MAP7: variants seen among roughly 807,000 people sequenced by gnomAD.
MAP7 encodes the protein microtubule associated protein 7, also known as ensconsin.
In MAP7, 52 loss-of-function variants were observed where a neutral mutation model predicts 94.8. That is an observed-to-expected ratio of 0.55 (90% CI 0.44 to 0.69). MAP7 has a LOEUF of 0.69. Ranked by LOEUF, MAP7 falls within the 30% of genes least tolerant of loss-of-function variation. The probability of loss-of-function intolerance (pLI) is 0.00; values close to 1 mark genes in which losing one functional copy is unlikely to be tolerated. For synonymous variants in MAP7, 350 were observed against 357.0 expected, an observed-to-expected ratio of 0.98 and a Z score of 0.22; for missense variants, 940 against 964.6, an observed-to-expected ratio of 0.97 and a Z score of 0.34.
rs181210066 is a variant in MAP7 at position 136,380,755 on chromosome 6, T to C, written c.638-2887A>G. On this transcript the variant is annotated intron_variant, in intron 6 of 17. Coordinates refer to ENST00000354570, the MANE Select transcript of MAP7 (RefSeq NM_003980.6). ...TAACCAAAGTAATCTTATCAGTCCA[T>C]GTAACACCATATTCAGGTGTAATAA... Among the ~76,000 whole-genome samples, 3 of 152,358 alleles carry C rather than the reference T, an allele frequency of 2.0e-5. No individual in the cohort carries two copies. In the East Asian group the frequency reaches 5.8e-4, roughly 29 times the overall value.
chr6:136,468,212 T>A (rs1807769754), intron 1 of MAP7, among the ~76,000 whole-genome samples: 1 of 152,182 alleles, frequency 6.6e-6, no homozygotes, highest in South Asian at 2.1e-4. Flanking sequence ...CTTTTTATCC[T>A]TCTTATGGTA....
chr6:136,549,393 C>A (rs915755913), intron 1 of MAP7, among the ~76,000 whole-genome samples: 11 of 152,024 alleles, frequency 7.2e-5, no homozygotes, highest in African/African-American at 2.2e-4. Flanking sequence ...GAAGAGGGAA[C>A]CAGTGGAGAG....
chr6:136,389,405 C>A lies in MAP7; in HGVS notation c.357G>T (p.Arg119=), dbSNP rs769452594. 1.7e-5 allele frequency: 27 copies of A among 1,589,678 alleles called. No individual in the cohort carries two copies. The highest frequency in any genetic ancestry group is 2.3e-5 in the Non-Finnish European group (27 of 1,171,014). ...RLEEQRQKEE[R]RRAAVEEKRR... Reference sequence around the variant, plus strand: ...GCTTCTCCTCCACAGCAGCCCTCCTCCGCTCCTCCTTCTGCCTCTGCTCCT... The same window carrying A: ...GCTTCTCCTCCACAGCAGCCCTCCTACGCTCCTCCTTCTGCCTCTGCTCCT... The change falls in exon 4 of 18, where the codon CGG becomes CGT. Residue 119 remains arginine (R), a synonymous_variant. Transcript: ENST00000354570.
Position 136,355,169 on chromosome 6 carries a change from G to C in MAP7, c.2015+1523C>G, listed in dbSNP as rs1790521693. Among the ~76,000 whole-genome samples the C allele has an allele frequency of 3.3e-5, 5 of 151,758 alleles. No individual in the cohort carries two copies. In the South Asian group the frequency reaches 1.0e-3, roughly 31 times the overall value. On this transcript the variant is annotated intron_variant, in intron 16 of 17. Transcript: ENST00000354570. ...AGCTTGGGCAACAGAGTGAGAGTCT[G>C]TCTCAAAAAAAATAATAATAAAAGA...
At chr6:136,399,340 T>G (rs751331304) in intron 3 of MAP7, among the ~76,000 whole-genome samples, 1 of 152,164 alleles carries the variant, frequency 6.6e-6, no homozygotes, top group Non-Finnish European at 1.5e-5. Context: ...ACAATTAGAT[T>G]CCTTTTCTTT....
intron 1 of MAP7, among the ~76,000 whole-genome samples, chr6:136,504,502 C>T (rs907119666): frequency 6.6e-6 from 1 of 151,904 alleles, no homozygotes; most frequent in South Asian, 2.1e-4. Context: ...GTGGGTGCCA[C>T]CACAGCAAAT....
At chr6:136,394,970 A>ATATATATATATC (rs1582782641) in intron 3 of MAP7, among the ~76,000 whole-genome samples, 2 of 131,228 alleles carry the variant, frequency 1.5e-5, no homozygotes, top group African/African-American at 2.9e-5. Context: ...ATATATATAT[A>ATATATATATATC]TCACATTTTC....
At chr6:136,539,180 T>C (rs898614928) in intron 1 of MAP7, among the ~76,000 whole-genome samples, 1 of 152,216 alleles carries the variant, frequency 6.6e-6, no homozygotes, top group Admixed American at 6.5e-5. Flanking sequence ...GCCTATGCTG[T>C]GTCAAGCACT....
chr6:136,448,836 C>T (rs1800141889), intron 1 of MAP7, among the ~76,000 whole-genome samples: 2 of 151,870 alleles, frequency 1.3e-5, no homozygotes, highest in Non-Finnish European at 2.9e-5. Context: ...TATCAGTTGC[C>T]AAGAAAGGGG....
At chr6:136,380,261 C>T (rs1777389162) in intron 6 of MAP7, among the ~76,000 whole-genome samples, 1 of 152,208 alleles carries the variant, frequency 6.6e-6, no homozygotes, top group African/African-American at 2.4e-5. Context: ...GGATACCTGC[C>T]TTACCACTTC....
intron 2 of MAP7, among the ~76,000 whole-genome samples, chr6:136,421,013 G>A (rs1005075800): frequency 6.6e-6 from 1 of 152,064 alleles, no homozygotes; most frequent in African/African-American, 2.4e-5. Flanking sequence ...ATTGTCTCCT[G>A]TTATCATACT....
At chr6:136,493,387 T>G (rs1817289628) in intron 1 of MAP7, among the ~76,000 whole-genome samples, 1 of 152,110 alleles carries the variant, frequency 6.6e-6, no homozygotes, top group South Asian at 2.1e-4. Flanking sequence ...CCTTCCAAAG[T>G]GCTGGGATTA....
chr6:136,431,248 T>G (rs1794797043), intron 1 of MAP7, among the ~76,000 whole-genome samples: 1 of 152,230 alleles, frequency 6.6e-6, no homozygotes, highest in Non-Finnish European at 1.5e-5. Context: ...TATTTAGCAT[T>G]TGATTTCATT....
chr6:136,442,966 C>T (rs1369227559), intron 1 of MAP7, among the ~76,000 whole-genome samples: 1 of 151,858 alleles, frequency 6.6e-6, no homozygotes, highest in Admixed American at 6.6e-5. Context: ...ACAGCATTAG[C>T]AAGAAAATAT....
chr6:136,441,816 A>G (rs1490602023), intron 1 of MAP7, among the ~76,000 whole-genome samples: 4 of 152,140 alleles, frequency 2.6e-5, no homozygotes, highest in Non-Finnish European at 5.9e-5. Flanking sequence ...GGAATTGTAG[A>G]TCAGCCTGGA....
chr6:136,543,431 C>A (rs1455614851), intron 1 of MAP7, among the ~76,000 whole-genome samples: 1 of 152,150 alleles, frequency 6.6e-6, no homozygotes, highest in Non-Finnish European at 1.5e-5. Context: ...GGTGGATCAC[C>A]TTTGGTCAGG....
chr6:136,545,179 C>G (rs182299985), intron 1 of MAP7: 1 of 152,268 alleles, frequency 6.6e-6, no homozygotes, highest in Non-Finnish European at 1.5e-5. Flanking sequence ...TCCTCAAGTC[C>G]ACGTTGCTAC....
intron 1 of MAP7, among the ~76,000 whole-genome samples, chr6:136,438,177 T>C (rs1796878541): frequency 6.6e-6 from 1 of 152,170 alleles, no homozygotes; most frequent in Non-Finnish European, 1.5e-5. Flanking sequence ...AGAACTACTG[T>C]AGAGAAAAAA....
chr6:136,384,902 G>C (rs542668788), intron 5 of MAP7, among the ~76,000 whole-genome samples: 20 of 152,134 alleles, frequency 1.3e-4, no homozygotes, highest in African/African-American at 4.8e-4. Context: ...TAGGATAAAC[G>C]GTGTTCCTCA....
Sources: allele counts gnomAD v4.1 joint callset (sites outside exome capture counted in the v4.1 genomes callset), GRCh38; gene constraint gnomAD v4.1.1; transcripts MANE v1.5; gene names NCBI Gene and HGNC (gene_info 2026-07-23, HGNC 2026-07-21).